Variants in WWOX observed in about 807,000 individuals in gnomAD.
The protein encoded by WWOX is WW domain containing oxidoreductase, also known as WW domain-containing oxidoreductase.
WWOX carries 69 observed loss-of-function variants against 46.2 expected under a neutral mutation model. That is an observed-to-expected ratio of 1.49 (90% CI 1.23 to 1.82). WWOX has a LOEUF of 1.82. Ranked by LOEUF, WWOX falls within the 40% of genes most tolerant of loss-of-function variation. WWOX has a pLI of 0.00. For missense variants in WWOX, 919 were observed against 542.6 expected, an observed-to-expected ratio of 1.69 and a Z score of -6.89; for synonymous variants, 359 against 202.6, an observed-to-expected ratio of 1.77 and a Z score of -6.56.
chr16:78,493,249 A>C (rs530063939), intron 8 of WWOX, among the ~76,000 whole-genome samples: 6 of 152,210 alleles, frequency 3.9e-5, no homozygotes, highest in South Asian at 2.1e-4. Flanking sequence ...AACCATAAGC[A>C]GAAGACACAT....
intron 8 of WWOX, among the ~76,000 whole-genome samples, chr16:78,502,827 C>T (rs182740100): frequency 6.6e-5 from 10 of 152,260 alleles, no homozygotes; most frequent in African/African-American, 2.2e-4. Flanking sequence ...TCATGCTCTA[C>T]TTACAGTATG....
At chr16:78,835,683 A>G (rs753232195) in intron 8 of WWOX, among the ~76,000 whole-genome samples, 34 of 152,244 alleles carry the variant, frequency 2.2e-4, no homozygotes, top group Non-Finnish European at 3.8e-4. Context: ...AGCAGTTCTG[A>G]AACTCACCCT....
chr16:78,910,365 CT>C (rs2045077232), intron 8 of WWOX, among the ~76,000 whole-genome samples: 1 of 151,956 alleles, frequency 6.6e-6, no homozygotes, highest in African/African-American at 2.4e-5. Flanking sequence ...CTTTTCTGGA[CT>C]TGTAGTATGT....
intron 5 of WWOX, among the ~76,000 whole-genome samples, chr16:78,212,396 C>T (rs1170471057): frequency 6.6e-6 from 1 of 152,168 alleles, no homozygotes; most frequent in African/African-American, 2.4e-5. Context: ...TACTGTGATC[C>T]CTAAAGCATC....
At chr16:78,718,080 G>T (rs1489493213) in intron 8 of WWOX, among the ~76,000 whole-genome samples, 1 of 65,008 alleles carries the variant, frequency 1.5e-5, no homozygotes, top group Non-Finnish European at 3.0e-5. Flanking sequence ...TTTCAAACAA[G>T]GGGTTCTGGT....
chr16:78,619,218 G>C (rs1597357052), intron 8 of WWOX, among the ~76,000 whole-genome samples: 1 of 79,682 alleles, frequency 1.3e-5, no homozygotes, highest in Non-Finnish European at 2.3e-5. Context: ...TATATATGTA[G>C]CCATGCATGG....
At chr16:78,886,077 A>C (rs1009525469) in intron 8 of WWOX, among the ~76,000 whole-genome samples, 1 of 151,926 alleles carries the variant, frequency 6.6e-6, no homozygotes, top group African/African-American at 2.4e-5. Context: ...GGTGCTCGCC[A>C]CCACACCAGG....
chr16:78,936,278 G>C (rs2045735358), intron 8 of WWOX, among the ~76,000 whole-genome samples: 1 of 152,104 alleles, frequency 6.6e-6, no homozygotes, highest in African/African-American at 2.4e-5. Context: ...TCAACCCTTG[G>C]ACAGAGCTTA....
chr16:79,204,525 CAT>C (rs1231350663), intron 8 of WWOX: 4 of 152,162 alleles, frequency 2.6e-5, no homozygotes, highest in Admixed American at 2.6e-4. Flanking sequence ...TAAGGCTAGA[CAT>C]AAATCTATCA....
At chr16:78,138,253 GAC>G (rs2151704443) in intron 4 of WWOX, among the ~76,000 whole-genome samples, 4 of 150,928 alleles carry the variant, frequency 2.7e-5, no homozygotes, top group Non-Finnish European at 4.4e-5. Context: ...TGTGTTCAAT[GAC>G]TTACCTCTTT....
chr16:79,123,979 G>C (rs553217710), intron 8 of WWOX, among the ~76,000 whole-genome samples: 15 of 152,102 alleles, frequency 9.9e-5, no homozygotes, highest in Non-Finnish European at 2.2e-4. Flanking sequence ...TACTACAAGA[G>C]GCACTGCAAA....
At chr16:78,998,595 C>G (rs1033483847) in intron 8 of WWOX, among the ~76,000 whole-genome samples, 2 of 152,156 alleles carry the variant, frequency 1.3e-5, no homozygotes, top group Non-Finnish European at 2.9e-5. Flanking sequence ...AGTTAAGACT[C>G]AATTTCTTAG....
intron 6 of WWOX, among the ~76,000 whole-genome samples, chr16:78,387,770 A>G (rs1735004650): frequency 6.6e-6 from 1 of 152,194 alleles, no homozygotes; most frequent in Non-Finnish European, 1.5e-5. Context: ...TCATTAATAA[A>G]TAACTTCATT....
intron 8 of WWOX, among the ~76,000 whole-genome samples, chr16:79,119,882 A>T (rs901421819): frequency 2.6e-5 from 4 of 152,166 alleles, no homozygotes; most frequent in African/African-American, 9.7e-5. Context: ...GTTTACCTAC[A>T]AAGGAGAGAG....
intron 8 of WWOX, among the ~76,000 whole-genome samples, chr16:78,791,018 CAAAAAAAAAAA>C (rs775592585): frequency 1.6e-5 from 1 of 62,438 alleles, no homozygotes; most frequent in Non-Finnish European, 2.8e-5. Context: ...GACCCTGTCT[CAAAAAAAAAAA>C]AAAAAAAAAA....
At chr16:78,496,715 A>C (rs1444594566) in intron 8 of WWOX, among the ~76,000 whole-genome samples, 2 of 152,238 alleles carry the variant, frequency 1.3e-5, no homozygotes, top group Non-Finnish European at 2.9e-5. Flanking sequence ...ACAACTCACT[A>C]TGTAAAACCA....
At chr16:78,435,601 A>G (rs1174412366) in intron 8 of WWOX, among the ~76,000 whole-genome samples, 1 of 152,088 alleles carries the variant, frequency 6.6e-6, no homozygotes, top group Non-Finnish European at 1.5e-5. Context: ...TTGTCTGTGG[A>G]GGGGCACTCA....
intron 8 of WWOX, among the ~76,000 whole-genome samples, chr16:78,942,485 C>G (rs886807291): frequency 6.6e-6 from 1 of 151,986 alleles, no homozygotes; most frequent in Non-Finnish European, 1.5e-5. Context: ...AAGAAGAAGA[C>G]AGAAGAAAAA....
At chr16:79,189,010 C>G (rs562625351) in intron 8 of WWOX, among the ~76,000 whole-genome samples, 5 of 151,774 alleles carry the variant, frequency 3.3e-5, no homozygotes, top group Non-Finnish European at 5.9e-5. Context: ...CTTTTGGATT[C>G]TGTGTGGAAG....
Sources: allele counts gnomAD v4.1 joint callset (sites outside exome capture counted in the v4.1 genomes callset), GRCh38; gene constraint gnomAD v4.1.1; transcripts MANE v1.5; gene names NCBI Gene and HGNC (gene_info 2026-07-23, HGNC 2026-07-21).